The following NF1 variants were observed in gnomAD, a reference collection of about 807,000 sequenced individuals.
NF1 encodes the protein neurofibromin.
NF1 carries 122 observed loss-of-function variants against 325.7 expected under a neutral mutation model. The ratio of observed to expected loss-of-function variants is 0.37; its 90% CI spans 0.32 to 0.44. The LOEUF (loss-of-function observed/expected upper bound fraction) is 0.44. NF1 is among the 20% of genes least tolerant of loss of function. The pLI is 1.00. For synonymous variants in NF1, 1,091 were observed against 1,186.0 expected, an observed-to-expected ratio of 0.92 and a Z score of 1.65; for missense variants, 2,140 against 3,415.4, an observed-to-expected ratio of 0.63 and a Z score of 9.31.
intron 4 of NF1, among the ~76,000 whole-genome samples, chr17:31,168,371 T>C (rs1222733593): frequency 6.6e-6 from 1 of 152,206 alleles, no homozygotes; most frequent in East Asian, 1.9e-4. Flanking sequence ...CTATCAAGAA[T>C]CATAATTCCT....
At chr17:31,100,354 C>T (rs182655158) in intron 1 of NF1, among the ~76,000 whole-genome samples, 169 of 152,220 alleles carry the variant, frequency 1.1e-3, no homozygotes, top group African/African-American at 3.9e-3. Context: ...TAAAAAATAT[C>T]TCCTAGCCTC....
At chr17:31,351,031 C>T (rs1884067791) in intron 50 of NF1, among the ~76,000 whole-genome samples, 2 of 152,096 alleles carry the variant, frequency 1.3e-5, no homozygotes, top group Admixed American at 1.3e-4. Context: ...ACAATGTACG[C>T]AAAAATTTTT....
In NF1 at chr17:31,357,290, A is replaced by G. The variant is rs199474793; in HGVS notation, c.7891A>G (p.Thr2631Ala). Reference protein sequence around the residue: ...TVLATLVKYTTDEFDQRILYE... With the variant: ...TVLATLVKYTADEFDQRILYE... ...GCAGGCTACACTGGTAAAATATACC[A>G]CAGATGAGTTTGATCAACGAATTCT... Residue 2631 changes from threonine (T) to alanine (A), a missense_variant, in exon 54 of 58, where the codon ACA (threonine) becomes GCA (alanine). Physicochemically the swap from Thr to Ala is moderately conservative, Grantham distance 58 (BLOSUM62 0). Coordinates refer to ENST00000358273, the MANE Select transcript of NF1 (RefSeq NM_001042492.3). The G allele has an allele frequency of 3.0e-5, 49 of 1,613,908 alleles. No homozygotes were observed. Among genetic ancestry groups the G allele is most frequent in the Non-Finnish European group, 4.2e-5 (49 of 1,179,908 alleles).
intron 1 of NF1, among the ~76,000 whole-genome samples, chr17:31,142,372 TA>T (rs1465333623): frequency 6.6e-6 from 1 of 152,108 alleles, no homozygotes; most frequent in Admixed American, 6.5e-5. Flanking sequence ...GAGAAACTCA[TA>T]AAAGTAAAAA....
At chr17:31,110,261 T>C (rs1913287107) in intron 1 of NF1, among the ~76,000 whole-genome samples, 1 of 152,088 alleles carries the variant, frequency 6.6e-6, no homozygotes, top group Non-Finnish European at 1.5e-5. Context: ...CTAAAAAAAA[T>C]ATTGGAGAGC....
intron 1 of NF1, among the ~76,000 whole-genome samples, chr17:31,150,945 GAATCGCTT>G (rs1164332870): frequency 2.7e-4 from 41 of 152,034 alleles, no homozygotes; most frequent in Admixed American, 6.5e-4. Context: ...TGAGGCAGGG[GAATCGCTT>G]CAACCTTGGA....
chr17:31,167,609 T>G (rs2065866226), intron 4 of NF1, among the ~76,000 whole-genome samples: 1 of 152,222 alleles, frequency 6.6e-6, no homozygotes, highest in Non-Finnish European at 1.5e-5. Context: ...TTATATTTTT[T>G]ATGTCTATTA....
chr17:31,136,873 G>A (rs1915827653), intron 1 of NF1: 1 of 152,150 alleles, frequency 6.6e-6, no homozygotes, highest in Admixed American at 6.6e-5. Context: ...CCTGGATTCA[G>A]GCATCCACTG....
At chr17:31,203,967 A>G (rs1005893842) in intron 11 of NF1, among the ~76,000 whole-genome samples, 2 of 152,064 alleles carry the variant, frequency 1.3e-5, no homozygotes, top group Non-Finnish European at 2.9e-5. Flanking sequence ...TATATCCACT[A>G]TTTGATTCTT....
intron 56 of NF1, 70 bp from the exon 57 acceptor site, chr17:31,360,417 T>C: frequency 7.7e-7 from 1 of 1,304,608 alleles, no homozygotes; most frequent in Non-Finnish European, 1.1e-6. Context: ...ACAAAATTAA[T>C]ATTTTTGGCT....
At chr17:31,238,038 AATGT>A (rs3079325) in intron 29 of NF1, among the ~76,000 whole-genome samples, 70,377 of 151,588 alleles carry the variant, frequency 0.46, 20,099 homozygotes, top group African/African-American at 0.81. Flanking sequence ...GAGACAGGTA[AATGT>A]ATACAGAGAA....
chr17:31,277,499 C>G (rs961914665), intron 36 of NF1, among the ~76,000 whole-genome samples: 3 of 152,162 alleles, frequency 2.0e-5, no homozygotes, highest in African/African-American at 7.2e-5. Context: ...ACTAACATAA[C>G]TACATGCTGG....
chr17:31,143,676 TTATTA>T (rs1473822987), intron 1 of NF1, among the ~76,000 whole-genome samples: 1 of 152,364 alleles, frequency 6.6e-6, no homozygotes, highest in Non-Finnish European at 1.5e-5. Flanking sequence ...AATACCACCT[TTATTA>T]TATTAAATTT....
intron 36 of NF1, among the ~76,000 whole-genome samples, chr17:31,267,790 C>T (rs1029764581): frequency 2.0e-5 from 3 of 152,134 alleles, no homozygotes; most frequent in African/African-American, 4.8e-5. Flanking sequence ...CTCTTCACAC[C>T]GTATTTCTGT....
At chr17:31,252,627 A>G (rs1182018860) in intron 30 of NF1, 1 of 329,594 alleles carries the variant, frequency 3.0e-6, no homozygotes, top group East Asian at 4.7e-5. Flanking sequence ...AAAGCTAGGA[A>G]TTAACCAAAA....
chr17:31,210,572 C>A (rs1304548709), intron 12 of NF1, among the ~76,000 whole-genome samples: 1 of 152,002 alleles, frequency 6.6e-6, no homozygotes, highest in Non-Finnish European at 1.5e-5. Context: ...GGCAACGGAG[C>A]GAGACTCTGT....
At chr17:31,271,573 G>A (rs763030185) in intron 36 of NF1, among the ~76,000 whole-genome samples, 10 of 152,032 alleles carry the variant, frequency 6.6e-5, no homozygotes, top group Non-Finnish European at 1.2e-4. Flanking sequence ...CCAACATGGT[G>A]AAACCCCTCT....
At chr17:31,222,226 TTTAATAGATTTTCATAGTTA>T in intron 15 of NF1, 1 of 1,087,086 alleles carries the variant, frequency 9.2e-7, no homozygotes, top group African/African-American at 1.6e-5. Flanking sequence ...CTACTGTATT[TTTAATAGATTTTCATAGTTA>T]TAAGCCTAGA....
intron 33 of NF1, 32 bp downstream of exon 33, chr17:31,259,161 G>A (rs2151463323): frequency 7.0e-7 from 1 of 1,431,566 alleles, no homozygotes; most frequent in Non-Finnish European, 9.8e-7. Flanking sequence ...CAGTTGCTCT[G>A]TTTGAATCAA....
Sources: gnomAD v4.1 joint callset for allele counts (sites outside exome capture counted in the v4.1 genomes callset) on GRCh38, gnomAD v4.1.1 for gene constraint, MANE v1.5 for transcripts, NCBI Gene and HGNC (gene_info 2026-07-23, HGNC 2026-07-21) for gene names.